The following LSAMP variants were observed in gnomAD, a reference collection of about 807,000 sequenced individuals.
LSAMP encodes the protein limbic system associated membrane protein.
LSAMP carries 7 observed loss-of-function variants against 38.6 expected under a neutral mutation model. The observed-to-expected ratio is 0.18, with a 90% CI of 0.10 to 0.34. LSAMP has a LOEUF of 0.34. Among genes scored for constraint, LSAMP ranks in the 10% least tolerant of loss-of-function variants. The probability of loss-of-function intolerance (pLI) is 1.00; values close to 1 mark genes in which losing one functional copy is unlikely to be tolerated. For missense variants in LSAMP, 313 were observed against 420.0 expected (o/e 0.75, Z 2.23); for synonymous variants, 154 against 166.8 (o/e 0.92, Z 0.59).
Position 116,105,481 on chromosome 3 carries a change from G to C in LSAMP, c.156-18925C>G, listed in dbSNP as rs533893961. 4.6e-4 allele frequency among the ~76,000 whole-genome samples: 70 copies of C among 152,244 alleles called. 1 individual carries two copies. The highest frequency in any genetic ancestry group is 8.7e-4 in the Non-Finnish European group (59 of 68,008). On this transcript the variant is annotated intron_variant, in intron 1 of 6. Coordinates refer to ENST00000490035, the MANE Select transcript of LSAMP (RefSeq NM_002338.5). ...GAGTCAGCGAAGGGAGGTAGGGGTG[G>C]GGCCGTTTTATAGGATTTGGAAAGG...
At chr3:115,981,610 T>G (rs1332606021) in intron 3 of LSAMP, among the ~76,000 whole-genome samples, 3 of 152,156 alleles carry the variant, frequency 2.0e-5, no homozygotes, top group Non-Finnish European at 2.9e-5. Context: ...ACTGATTGGA[T>G]GTGGATGGCA....
At chr3:116,103,463 T>C (rs1576363971) in intron 1 of LSAMP, among the ~76,000 whole-genome samples, 2 of 69,592 alleles carry the variant, frequency 2.9e-5, no homozygotes, top group African/African-American at 1.5e-4. Context: ...AGACTCCTTC[T>C]CAAAAAAAAA....
At chr3:116,140,601 T>A (rs928515575) in intron 1 of LSAMP, among the ~76,000 whole-genome samples, 1 of 151,924 alleles carries the variant, frequency 6.6e-6, no homozygotes, top group African/African-American at 2.4e-5. Flanking sequence ...ATCAAGTAAA[T>A]TGAATTAAAA....
intron 3 of LSAMP, among the ~76,000 whole-genome samples, chr3:115,873,097 C>T (rs1936090195): frequency 6.6e-6 from 1 of 152,046 alleles, no homozygotes; most frequent in Admixed American, 6.6e-5. Flanking sequence ...AGGCTGGGCA[C>T]AGTGGCTCAC....
At chr3:116,113,495 G>A (rs1313059967) in intron 1 of LSAMP, among the ~76,000 whole-genome samples, 1 of 127,002 alleles carries the variant, frequency 7.9e-6, no homozygotes, top group East Asian at 2.4e-4. Flanking sequence ...GCGGGATCTC[G>A]GCTCACTGCA....
chr3:116,163,232 C>G (rs568377360), intron 1 of LSAMP, among the ~76,000 whole-genome samples: 7 of 118,096 alleles, frequency 5.9e-5, no homozygotes, highest in Admixed American at 1.8e-4. Flanking sequence ...CCCCTCCCCC[C>G]ACCCCACAAC....
intron 1 of LSAMP, among the ~76,000 whole-genome samples, chr3:116,108,382 G>A (rs1708517531): frequency 1.3e-5 from 2 of 152,074 alleles, no homozygotes; most frequent in South Asian, 4.1e-4. Context: ...GTTTTAAGAG[G>A]TTTAGAAGCC....
intron 3 of LSAMP, among the ~76,000 whole-genome samples, chr3:115,948,803 AAAC>A (rs1457792164): frequency 6.6e-6 from 1 of 152,188 alleles, no homozygotes; most frequent in African/African-American, 2.4e-5. Flanking sequence ...AATAAAATTA[AAAC>A]AACAACAATA....
At chr3:116,284,640 T>C (rs1175619029) in intron 1 of LSAMP, among the ~76,000 whole-genome samples, 2 of 152,248 alleles carry the variant, frequency 1.3e-5, no homozygotes, top group African/African-American at 2.4e-5. Flanking sequence ...CTTTTTGGTA[T>C]TGATGGAAGG....
intron 3 of LSAMP, among the ~76,000 whole-genome samples, chr3:115,991,375 T>C (rs764258395): frequency 6.6e-5 from 10 of 152,072 alleles, no homozygotes; most frequent in Non-Finnish European, 1.5e-4. Flanking sequence ...ACATGTCATA[T>C]AGAACTCAAC....
chr3:116,116,158 C>T (rs922749002), intron 1 of LSAMP, among the ~76,000 whole-genome samples: 1 of 147,148 alleles, frequency 6.8e-6, no homozygotes, highest in Non-Finnish European at 1.5e-5. Context: ...ATTTTCTCAG[C>T]TTTTATATCA....
intron 3 of LSAMP, among the ~76,000 whole-genome samples, chr3:115,927,660 T>C (rs920079822): frequency 3.9e-5 from 6 of 152,186 alleles, no homozygotes; most frequent in East Asian, 1.9e-4. Context: ...TTCGGCCACA[T>C]TGGACTTCCT....
intron 1 of LSAMP, among the ~76,000 whole-genome samples, chr3:116,299,631 C>T (rs946230250): frequency 1.3e-5 from 2 of 152,158 alleles, no homozygotes; most frequent in African/African-American, 4.8e-5. Flanking sequence ...ATCTGGCTCT[C>T]CAGGTTTCAG....
intron 1 of LSAMP, among the ~76,000 whole-genome samples, chr3:116,381,852 C>T (rs1022247977): frequency 6.6e-6 from 1 of 151,998 alleles, no homozygotes; most frequent in Admixed American, 6.6e-5. Flanking sequence ...TCCAGTTGGC[C>T]TAAGTGTCTT....
At chr3:115,834,539 A>G (rs1403716184) in intron 6 of LSAMP, 2 of 1,282,284 alleles carry the variant, frequency 1.6e-6, no homozygotes, top group Non-Finnish European at 2.0e-6. Flanking sequence ...GAAGAGAGCT[A>G]CAGTGATAAA....
At chr3:116,201,610 T>A (rs1258559331) in intron 1 of LSAMP, among the ~76,000 whole-genome samples, 2 of 152,120 alleles carry the variant, frequency 1.3e-5, no homozygotes, top group African/African-American at 4.8e-5. Context: ...CCAGACACCC[T>A]GCATTACTTC....
chr3:115,919,768 T>C (rs568476174), intron 3 of LSAMP, among the ~76,000 whole-genome samples: 3 of 152,170 alleles, frequency 2.0e-5, no homozygotes, highest in Admixed American at 2.0e-4. Context: ...GGCACCACCA[T>C]GTCTGACTAA....
intron 1 of LSAMP, among the ~76,000 whole-genome samples, chr3:116,292,969 C>T (rs1311709281): frequency 6.6e-6 from 1 of 152,182 alleles, no homozygotes; most frequent in Non-Finnish European, 1.5e-5. Context: ...TCAGCCTTAA[C>T]AAAAGGAAGC....
rs1940578318 is a variant in LSAMP at position 116,019,496 on chromosome 3, A to G, written c.514+19T>C. 6.2e-7 allele frequency: 1 copy of G among 1,609,894 alleles called. No homozygotes were observed. The highest frequency in any genetic ancestry group is 8.5e-7 in the Non-Finnish European group (1 of 1,177,258). ...TTTTAAACAGCATGTGGCATATTGG[A>G]ACCTGGAGTATTGCTTACCAGTTGG... On this transcript the variant is annotated intron_variant, in intron 3 of 6. Coordinates refer to ENST00000490035, the MANE Select transcript of LSAMP (RefSeq NM_002338.5).
Sources: gnomAD v4.1 joint callset for allele counts (sites outside exome capture counted in the v4.1 genomes callset) on GRCh38, gnomAD v4.1.1 for gene constraint, MANE v1.5 for transcripts, NCBI Gene and HGNC (gene_info 2026-07-23, HGNC 2026-07-21) for gene names.